The following SLC7A2 variants were observed in gnomAD, a reference collection of about 807,000 sequenced individuals.
SLC7A2 encodes solute carrier family 7 member 2.
A neutral mutation model predicts 58.9 loss-of-function variants in SLC7A2; 48 were observed. The ratio of observed to expected loss-of-function variants is 0.82; its 90% CI spans 0.65 to 1.04. The LOEUF (loss-of-function observed/expected upper bound fraction) is 1.04, where lower values mean the gene tolerates loss of function less well. Among genes scored for constraint, SLC7A2 ranks in the 50% least tolerant of loss-of-function variants. The probability of loss-of-function intolerance (pLI) is 0.00; values close to 1 mark genes in which losing one functional copy is unlikely to be tolerated. For missense variants in SLC7A2, 1,029 were observed against 818.8 expected (o/e 1.26, Z -3.13); for synonymous variants, 363 against 314.5 (o/e 1.15, Z -1.63).
At chr8:17,543,763 A>G in intron 3 of SLC7A2, 48 bp downstream of exon 3, 1 of 1,490,930 alleles carries the variant, frequency 6.7e-7, no homozygotes, top group Non-Finnish European at 9.0e-7. Context: ...AAGAAATCGC[A>G]GCCCTGAGTC....
At chr8:17,556,716 C>T (rs914689871) in intron 8 of SLC7A2, among the ~76,000 whole-genome samples, 2 of 151,946 alleles carry the variant, frequency 1.3e-5, no homozygotes, top group Admixed American at 6.6e-5. Context: ...TCAAGCAATT[C>T]TCCTGCCTCA....
chr8:17,531,668 T>A (rs1801455792), intron 2 of SLC7A2, among the ~76,000 whole-genome samples: 1 of 152,098 alleles, frequency 6.6e-6, no homozygotes, highest in Non-Finnish European at 1.5e-5. Flanking sequence ...AAAATCAAAA[T>A]GCATGTTTTT....
chr8:17,559,405 AG>A (rs1333797526), intron 9 of SLC7A2, among the ~76,000 whole-genome samples: 1 of 152,152 alleles, frequency 6.6e-6, no homozygotes, highest in Non-Finnish European at 1.5e-5. Context: ...GCTGAGCAAA[AG>A]GGGGAAAAGC....
In SLC7A2 at chr8:17,543,322, C is replaced by T. The variant is rs376340513; in HGVS notation, c.-18C>T. On this transcript the variant is annotated 5_prime_UTR_variant, in exon 3 of 13. Coordinates refer to ENST00000494857, the MANE Select transcript of SLC7A2 (RefSeq NM_001370338.1). ...AACCTCCTCCCTTCTGCTCAGGTCGCCTTCGTCAGACGTCAGAATGATTCC... is the reference window on the plus strand; with the variant it reads ...AACCTCCTCCCTTCTGCTCAGGTCGTCTTCGTCAGACGTCAGAATGATTCC... 10 of 1,600,984 alleles carry T rather than the reference C, an allele frequency of 6.2e-6. No individual in the cohort carries two copies. Among genetic ancestry groups the T allele is most frequent in the African/African-American group, 4.0e-5 (3 of 74,520 alleles).
chr8:17,558,767 C>T (rs1446493125), intron 9 of SLC7A2, among the ~76,000 whole-genome samples: 1 of 151,982 alleles, frequency 6.6e-6, no homozygotes, highest in Admixed American at 6.6e-5. Flanking sequence ...AGGTAATTTA[C>T]AATAGTGAAA....
At chr8:17,541,956 G>A (rs1199488650) in intron 2 of SLC7A2, among the ~76,000 whole-genome samples, 1 of 152,040 alleles carries the variant, frequency 6.6e-6, no homozygotes, top group Non-Finnish European at 1.5e-5. Flanking sequence ...GGTGGGGAGT[G>A]TGACTTTTTG....
chr8:17,550,895 C>G (rs1802418280), intron 6 of SLC7A2, among the ~76,000 whole-genome samples: 1 of 152,196 alleles, frequency 6.6e-6, no homozygotes, highest in African/African-American at 2.4e-5. Context: ...CGGAGTCACT[C>G]TCTAAATGCC....
intron 2 of SLC7A2, chr8:17,511,121 G>A (rs1025983833): frequency 6.7e-6 from 1 of 149,558 alleles, no homozygotes; most frequent in Non-Finnish European, 1.5e-5. Flanking sequence ...GCGAGGGGAG[G>A]GAGAGCATTA....
rs190494099 is a variant in SLC7A2 at position 17,559,433 on chromosome 8, G to T, written c.1299-895G>T. ...GGGAAAAGCCCCTTAGGGCATGGTG[G>T]TGGGCACCTGTTGTCCTAGCTACTC... On this transcript the variant is annotated intron_variant, in intron 9 of 12. Coordinates refer to ENST00000494857, the MANE Select transcript of SLC7A2 (RefSeq NM_001370338.1). Among the ~76,000 whole-genome samples the T allele has an allele frequency of 1.1e-3, 175 of 152,272 alleles. 2 individuals carry two copies. Among genetic ancestry groups the T allele is most frequent in the Non-Finnish European group, 2.2e-3 (152 of 68,016 alleles).
chr8:17,554,453 A>G (rs1802591899), intron 7 of SLC7A2, 107 bp from the exon 8 acceptor site: 2 of 883,890 alleles, frequency 2.3e-6, no homozygotes, highest in Admixed American at 2.9e-5. Flanking sequence ...ATATGACTTC[A>G]TAATTACAAC....
chr8:17,523,796 A>C (rs770748704), intron 2 of SLC7A2, among the ~76,000 whole-genome samples: 7 of 152,262 alleles, frequency 4.6e-5, no homozygotes, highest in Non-Finnish European at 1.0e-4. Flanking sequence ...TCTCCACAGC[A>C]AAAGAAATAA....
intron 2 of SLC7A2, among the ~76,000 whole-genome samples, chr8:17,528,657 G>A (rs762646076): frequency 2.0e-5 from 3 of 152,124 alleles, no homozygotes; most frequent in Non-Finnish European, 2.9e-5. Context: ...GCCTGCCTCC[G>A]CCTCCCAAAG....
rs566192987 is a variant in SLC7A2, at chr8:17,565,291, G to A, written c.*145G>A. ...TAATTTATACTTACTCATCTGGACA[G>A]CATCTCCTCAGATGGTGAATTATGT... is the stretch of plus-strand genomic sequence containing the variant. On this transcript the variant is annotated 3_prime_UTR_variant, in exon 13 of 13. Coordinates refer to ENST00000494857, the MANE Select transcript of SLC7A2 (RefSeq NM_001370338.1). 6.3e-6 allele frequency: 4 copies of A among 639,616 alleles called. No homozygotes were observed. The highest frequency in any genetic ancestry group is 2.8e-5 in the East Asian group (1 of 35,734). 39.6% of individuals were successfully genotyped at this position (639,616 alleles called of 1,614,324 possible).
At chr8:17,524,526 AT>A (rs1188622043) in intron 2 of SLC7A2, among the ~76,000 whole-genome samples, 1 of 152,066 alleles carries the variant, frequency 6.6e-6, no homozygotes, top group Non-Finnish European at 1.5e-5. Context: ...ATGGAATTGG[AT>A]ACTATCATTC....
intron 1 of SLC7A2, among the ~76,000 whole-genome samples, chr8:17,501,653 T>C (rs1800164847): frequency 6.6e-6 from 1 of 152,152 alleles, no homozygotes; most frequent in Non-Finnish European, 1.5e-5. Context: ...TGGAGCATTC[T>C]AGTGCTGCAA....
At chr8:17,505,333 C>G (rs957685206) in intron 2 of SLC7A2, among the ~76,000 whole-genome samples, 15 of 152,154 alleles carry the variant, frequency 9.9e-5, no homozygotes, top group Non-Finnish European at 1.8e-4. Flanking sequence ...ATGGGGCCTT[C>G]TTGGTCATGC....
intron 6 of SLC7A2, 60 bp from the exon 7 acceptor site, chr8:17,551,704 A>C (rs1030221600): frequency 8.0e-7 from 1 of 1,251,178 alleles, no homozygotes; most frequent in Non-Finnish European, 1.2e-6. Flanking sequence ...CACACAATTT[A>C]ATTTCTTTAC....
chr8:17,562,968 C>A (rs1464071702), intron 11 of SLC7A2, among the ~76,000 whole-genome samples: 1 of 152,032 alleles, frequency 6.6e-6, no homozygotes, highest in Non-Finnish European at 1.5e-5. Flanking sequence ...TAGCGAGACC[C>A]CATCTCTACA....
At chr8:17,545,690 G>A (rs1257407150) in intron 4 of SLC7A2, among the ~76,000 whole-genome samples, 2 of 152,028 alleles carry the variant, frequency 1.3e-5, no homozygotes, top group Admixed American at 1.3e-4. Flanking sequence ...GAGCCACCAT[G>A]CCTGGCCACG....
Sources: gnomAD v4.1 joint callset for allele counts (sites outside exome capture counted in the v4.1 genomes callset) on GRCh38, gnomAD v4.1.1 for gene constraint, MANE v1.5 for transcripts, NCBI Gene and HGNC (gene_info 2026-07-23, HGNC 2026-07-21) for gene names.